MICAL1: variants seen among roughly 807,000 people sequenced by gnomAD.
The protein encoded by MICAL1 is microtubule associated monooxygenase, calponin and LIM domain containing 1.
MICAL1 carries 95 observed loss-of-function variants against 131.8 expected under a neutral mutation model. That is an observed-to-expected ratio of 0.72 (90% confidence interval 0.61 to 0.86). The LOEUF (loss-of-function observed/expected upper bound fraction) is 0.86. MICAL1 is among the 40% of genes least tolerant of loss of function. The pLI is 0.00. For missense variants in MICAL1, 1,292 were observed against 1,380.6 expected, an observed-to-expected ratio of 0.94 and a Z score of 1.02; for synonymous variants, 546 against 554.2, an observed-to-expected ratio of 0.99 and a Z score of 0.21.
chr6:109,447,646 G>A, intron 15 of MICAL1, 35 bp downstream of exon 15: 1 of 1,612,756 alleles, frequency 6.2e-7, no homozygotes, highest in Non-Finnish European at 8.5e-7. Context: ...ATAAAATGTG[G>A]GGTAGGAGAC....
chr6:109,455,987 G>T, upstream of MICAL1: 1 of 985,888 alleles, frequency 1.0e-6, no homozygotes, highest in Non-Finnish European at 1.2e-6. The surrounding 1 kb of genome is among the most constrained non-coding windows in gnomAD (Gnocchi z 4.7). Flanking sequence ...ACAGTCTTGG[G>T]CCCGCCCATG....
At chr6:109,451,478 A>T in intron 7 of MICAL1, 122 bp downstream of exon 7, 3 of 1,170,468 alleles carry the variant, frequency 2.6e-6, no homozygotes, top group Non-Finnish European at 3.6e-6. Flanking sequence ...AGGTGAAGTT[A>T]ATGCCAGGAC....
intron 20 of MICAL1, 69 bp downstream of exon 20, chr6:109,445,702 G>C: frequency 6.5e-7 from 1 of 1,548,820 alleles, no homozygotes; most frequent in Non-Finnish European, 8.8e-7. Context: ...GAAGGGTGCA[G>C]TGGACCAGTG....
chr6:109,446,630 G>GC, intron 18 of MICAL1, 66 bp downstream of exon 18: 1 of 1,535,106 alleles, frequency 6.5e-7, no homozygotes, highest in Non-Finnish European at 8.9e-7. Flanking sequence ...CCAGCAAAGC[G>GC]CTGGTTTGAC....
At chr6:109,448,511 A>T in intron 12 of MICAL1, 118 bp from the exon 13 acceptor site, 1 of 1,328,234 alleles carries the variant, frequency 7.5e-7, no homozygotes, top group African/African-American at 1.4e-5. Context: ...GAAGGCTTGA[A>T]GGTAGGTGTG....
At position 109,453,782 on chromosome 6, in the gene MICAL1, C is replaced by A. The variant is rs150984265; in HGVS notation, c.322G>T (p.Ala108Ser). The A allele has an allele frequency of 1.9e-6, 3 of 1,613,718 alleles. No individual in the cohort carries two copies. The highest frequency in any genetic ancestry group is 2.5e-6 in the Non-Finnish European group (3 of 1,180,008). Reference protein sequence around the residue: ...RVAVELALLGARVVLVEKRTK... With the variant: ...RVAVELALLGSRVVLVEKRTK... Reference sequence around the variant, plus strand: ...CGCTTTTCCACCAGCACCACTCGGGCCCCCAGCAGCGCCAGCTCCACAGCG... The same window carrying A: ...CGCTTTTCCACCAGCACCACTCGGGACCCCAGCAGCGCCAGCTCCACAGCG... Residue 108 changes from alanine (A) to serine (S), a missense_variant, in exon 3 of 25, where the codon GCC becomes TCC. Physicochemically the swap from Ala to Ser is moderately conservative, Grantham distance 99 (BLOSUM62 1). Transcript: ENST00000358807.
At chr6:109,447,509 TGAACAC>T (rs1386917093) in intron 15 of MICAL1, 69 bp from the exon 16 acceptor site, 1 of 1,545,706 alleles carries the variant, frequency 6.5e-7, no homozygotes, top group Non-Finnish European at 8.8e-7. Context: ...TGCGTACAGA[TGAACAC>T]AAGGGGCTGA....
At chr6:109,448,471 G>T in intron 12 of MICAL1, 78 bp from the exon 13 acceptor site, 1 of 1,525,246 alleles carries the variant, frequency 6.6e-7, no homozygotes. Context: ...AGCAGGAGGG[G>T]AGGGACAGCA....
At position 109,447,138 on chromosome 6, in the gene MICAL1, C is replaced by G. The variant is rs758666942; in HGVS notation, c.2162G>C (p.Cys721Ser). The part of the protein sequence containing the change: ...CVNGHFFHRS[C>S]FRCHTCEATL... The stretch of plus-strand genomic sequence containing the variant: ...GGCCTCACAGGTATGGCAGCGGAAG[C>G]AGCTCCGGTGGAAGAAATGGCCGTT... The change falls in exon 17 of 25, where the codon TGC becomes TCC. Residue 721 changes from cysteine to serine, a missense_variant. By Grantham distance (112) the Cys-to-Ser change is moderately radical. Coordinates refer to ENST00000358807, the MANE Select transcript of MICAL1 (RefSeq NM_022765.4). 3.0e-5 allele frequency: 48 copies of G among 1,614,084 alleles called. No individual in the cohort carries two copies. The highest frequency in any genetic ancestry group is 3.6e-5 in the Non-Finnish European group (42 of 1,180,044).
intron 11 of MICAL1, 49 bp downstream of exon 11, chr6:109,449,351 G>T (rs377170822): frequency 6.3e-7 from 1 of 1,588,152 alleles, no homozygotes; most frequent in Admixed American, 1.7e-5. Flanking sequence ...CCTGGGCCTC[G>T]CTGGGTAGTA....
chr6:109,454,584 T>C (rs1322814), intron 1 of MICAL1: 19,447 of 296,044 alleles, frequency 0.066, 2,387 homozygotes, highest in African/African-American at 0.32. Context: ...GGAATCAGGG[T>C]GTGCGGGGAT....
intron 20 of MICAL1, 109 bp downstream of exon 20, chr6:109,445,662 T>C: frequency 1.3e-6 from 2 of 1,507,906 alleles, no homozygotes; most frequent in South Asian, 1.2e-5. Context: ...GCCAGAGATA[T>C]GACAGGCCAA....
intron 14 of MICAL1, 26 bp downstream of exon 14, chr6:109,447,849 G>A: frequency 6.2e-7 from 1 of 1,612,592 alleles, no homozygotes; most frequent in Non-Finnish European, 8.5e-7. Flanking sequence ...TCCCTGCTCA[G>A]CTCCAGCCCT....
Position 109,447,058 on chromosome 6 carries a change from C to T in MICAL1, c.2227+15G>A, listed in dbSNP as rs1202092195. The stretch of plus-strand genomic sequence containing the variant: ...AGGCCCAGAGTCTCTCTGGAGGTCT[C>T]CCAGGCCCACTCACCATCTCCTGGG... On this transcript the variant is annotated intron_variant, in intron 17 of 24. Coordinates refer to ENST00000358807, the MANE Select transcript of MICAL1 (RefSeq NM_022765.4). The T allele has an allele frequency of 6.2e-7, 1 of 1,612,736 alleles. No homozygotes were observed. Among genetic ancestry groups the T allele is most frequent in the Non-Finnish European group, 8.5e-7 (1 of 1,179,488 alleles).
chr6:109,452,432 G>C lies in MICAL1; in HGVS notation c.677-31C>G, dbSNP rs764270173. On this transcript the variant is annotated intron_variant, in intron 5 of 24. Transcript: ENST00000358807. ...GGTGGCGGTAGGTGAACAATGGCAG[G>C]AGGAGGGGGTTATAACAATCTAGAA... 2.5e-6 allele frequency: 4 copies of C among 1,612,230 alleles called. No individual in the cohort carries two copies. The Admixed American group carries it at 6.7e-5, about 27-fold the overall frequency.
Position 109,449,828 on chromosome 6 carries a change from C to G in MICAL1, c.1308-45G>C, listed in dbSNP as rs756288691. On this transcript the variant is annotated intron_variant, in intron 9 of 24. Transcript: ENST00000358807. ...GGGCAGGGGCATGAATGGGAGGGCA[C>G]CTGTCAGCACCCACCTCTCAGGAAC... The G allele has an allele frequency of 2.5e-6, 4 of 1,587,840 alleles. No individual in the cohort carries two copies. The Admixed American group carries it at 5.3e-5, about 21-fold the overall frequency.
chr6:109,449,526 C>A (rs1369363735), intron 10 of MICAL1, 45 bp from the exon 11 acceptor site: 3 of 1,612,534 alleles, frequency 1.9e-6, no homozygotes, highest in Non-Finnish European at 2.5e-6. Context: ...GGCCACACAG[C>A]CCCTGAGTCC....
intron 14 of MICAL1, 41 bp downstream of exon 14, chr6:109,447,834 A>C: frequency 1.9e-6 from 3 of 1,610,572 alleles, no homozygotes; most frequent in Non-Finnish European, 2.5e-6. Context: ...CCCCCTGCCC[A>C]CTCCTCCCTG....
intron 1 of MICAL1, 88 bp from the exon 2 acceptor site, chr6:109,454,327 C>CA: frequency 7.6e-7 from 1 of 1,323,656 alleles, no homozygotes. Context: ...CTGGTGTCCC[C>CA]AGGGAGCTCG....
Sources: allele counts gnomAD v4.1 joint callset, GRCh38; gene constraint gnomAD v4.1.1; non-coding constraint Gnocchi (gnomAD v3.1); transcripts MANE v1.5; gene names NCBI Gene and HGNC (gene_info 2026-07-23, HGNC 2026-07-21).